The following PPP2R1A variants were observed in gnomAD, a reference collection of about 807,000 sequenced individuals.
The protein encoded by PPP2R1A is serine/threonine-protein phosphatase 2A 65 kDa regulatory subunit A alpha isoform.
PPP2R1A carries 15 observed loss-of-function variants against 67.1 expected under a neutral mutation model. The ratio of observed to expected loss-of-function variants is 0.22; its 90% CI spans 0.15 to 0.34. The LOEUF (loss-of-function observed/expected upper bound fraction) is 0.34, where lower values mean the gene tolerates loss of function less well. PPP2R1A is among the 10% of genes least tolerant of loss of function. PPP2R1A has a pLI of 1.00. For synonymous variants in PPP2R1A, 337 were observed against 325.0 expected, an observed-to-expected ratio of 1.04 and a Z score of -0.40; for missense variants, 369 against 775.0, an observed-to-expected ratio of 0.48 and a Z score of 6.22.
At position 52,191,485 on chromosome 19, in the gene PPP2R1A, C is replaced by G. The variant is rs539664343; in HGVS notation, c.78+1311C>G. ...AAGAGGTCCCATCCTCCCTTTAGGT[C>G]TGTTTTCCCATTTATAAAATTGGAC... On this transcript the variant is annotated intron_variant, in intron 1 of 14. Transcript: ENST00000322088. The G allele has an allele frequency of 1.1e-4, 16 of 152,292 alleles. No individual in the cohort carries two copies. The East Asian group carries it at 3.1e-3, about 29-fold the overall frequency. The allele number at this position is 152,292 out of a possible 1,614,324, so 9.4% of individuals were successfully genotyped here. A position where few individuals can be genotyped will look rare whatever the true frequency, so the allele number is the denominator to read the frequency against.
At chr19:52,225,872 G>C in intron 14 of PPP2R1A, 64 bp downstream of exon 14, 1 of 1,612,662 alleles carries the variant, frequency 6.2e-7, no homozygotes, top group Non-Finnish European at 8.5e-7. Flanking sequence ...CACTGGGCCT[G>C]TGGGCAGCAG....
Position 52,226,317 on chromosome 19 carries a change from G to A in PPP2R1A, c.*336G>A, listed in dbSNP as rs546552152. 1.5e-4 allele frequency: 61 copies of A among 412,214 alleles called. No individual in the cohort carries two copies. The highest frequency in any genetic ancestry group is 1.1e-3 in the African/African-American group (56 of 49,220). 25.5% of individuals were successfully genotyped at this position (412,214 alleles called of 1,614,324 possible). The stretch of plus-strand genomic sequence containing the variant: ...TCCCCCATTTACTTCTCCACCTCCC[G>A]TCCTCCCCATCATTGGTTTTTTTTT... On this transcript the variant is annotated 3_prime_UTR_variant, in exon 15 of 15. Coordinates refer to ENST00000322088, the MANE Select transcript of PPP2R1A (RefSeq NM_014225.6).
intron 1 of PPP2R1A, among the ~76,000 whole-genome samples, chr19:52,194,088 CAAAAAAAAAAA>C (rs915576804): frequency 1.7e-5 from 1 of 60,522 alleles, no homozygotes; most frequent in Non-Finnish European, 3.0e-5. Context: ...ACCCTGTCTC[CAAAAAAAAAAA>C]AAAAAAAAAA....
At chr19:52,198,665 C>A (rs1319367209) in intron 1 of PPP2R1A, among the ~76,000 whole-genome samples, 4 of 152,154 alleles carry the variant, frequency 2.6e-5, no homozygotes, top group African/African-American at 9.7e-5. Context: ...GAATCCTTTC[C>A]TCTTTGGTTT....
Position 52,211,365 on chromosome 19 carries a change from G to T in PPP2R1A, c.376G>T (p.Ala126Ser), listed in dbSNP as rs1308460251. The T allele has an allele frequency of 2.0e-5, 32 of 1,614,070 alleles. No individual in the cohort carries two copies. The highest frequency in any genetic ancestry group is 2.7e-5 in the Non-Finnish European group (32 of 1,180,010). Residue 126 changes from alanine (A) to serine (S), a missense_variant, in exon 4 of 15, where the codon GCG becomes TCG. Coordinates refer to ENST00000322088, the MANE Select transcript of PPP2R1A (RefSeq NM_014225.6). The surrounding 1 kb of genome is among the most constrained non-coding windows in gnomAD (Gnocchi z 5.3). ...CGAGCACTCGCCCTCTGACCTGGAG[G>T]CGCACTTTGTGCCGCTAGTGAAGCG... ...SHEHSPSDLE[A>S]HFVPLVKRLA...
intron 1 of PPP2R1A, among the ~76,000 whole-genome samples, chr19:52,197,872 A>G (rs774671192): frequency 1.3e-4 from 20 of 152,208 alleles, no homozygotes; most frequent in Non-Finnish European, 2.6e-4. Context: ...GTGAGGGTCA[A>G]ATGAATTAAA....
At position 52,212,770 on chromosome 19, in the gene PPP2R1A, G is replaced by A. The variant is rs2122335317; in HGVS notation, c.588G>A (p.Leu196=). The A allele has an allele frequency of 6.2e-7, 1 of 1,613,842 alleles. No homozygotes were observed. Among genetic ancestry groups the A allele is most frequent in the Non-Finnish European group, 8.5e-7 (1 of 1,179,936 alleles). ...ASKLGEFAKV[L]ELDNVKSEII... is the part of the protein sequence containing the mutation. ...AGCTGGGGGAGTTTGCCAAGGTGCT[G>A]GAGCTGGACAACGTCAAGAGTGAGA... is the stretch of plus-strand genomic sequence containing the variant. The change falls in exon 5 of 15, where the codon CTG becomes CTA. Residue 196 remains leucine, a synonymous_variant. Transcript: ENST00000322088. The surrounding 1 kb of genome is among the most constrained non-coding windows in gnomAD (Gnocchi z 4.1).
Position 52,190,258 on chromosome 19 carries a change from C to T in PPP2R1A, c.78+84C>T, listed in dbSNP as rs1438720663. 5 of 1,457,494 alleles carry T rather than the reference C, an allele frequency of 3.4e-6. No homozygotes were observed. The African/African-American group carries it at 4.3e-5, about 12-fold the overall frequency. 90.3% of individuals were successfully genotyped at this position (1,457,494 alleles called of 1,614,324 possible). On this transcript the variant is annotated intron_variant, in intron 1 of 14. Transcript: ENST00000322088. ...GCCCTCGCGGAGAAGACTCAGCGTT[C>T]GCTGGGAGTGGCGGAAGGGGGCGAC... is the stretch of plus-strand genomic sequence containing the variant.
In PPP2R1A at chr19:52,211,392, C is replaced by T. The variant is rs2089668440; in HGVS notation, c.403C>T (p.Leu135=). ...GCACTTTGTGCCGCTAGTGAAGCGG[C>T]TGGCGGGCGGCGACTGGTTCACCTC... The part of the protein sequence containing the change: ...EAHFVPLVKR[L]AGGDWFTSRT... The change falls in exon 4 of 15, where the codon CTG becomes TTG. Residue 135 remains leucine (L), a synonymous_variant. Coordinates refer to ENST00000322088, the MANE Select transcript of PPP2R1A (RefSeq NM_014225.6). This position sits in a 1 kb window ranked among gnomAD's most constrained non-coding sequence, Gnocchi z 5.3. 1 of 1,613,868 alleles carries T rather than the reference C, an allele frequency of 6.2e-7. No individual in the cohort carries two copies. The highest frequency in any genetic ancestry group is 8.5e-7 in the Non-Finnish European group (1 of 1,179,940).
At position 52,219,060 on chromosome 19, in the gene PPP2R1A, A is replaced by G. The variant is rs1383503916; in HGVS notation, c.1129-631A>G. 6.6e-6 allele frequency among the ~76,000 whole-genome samples: 1 copy of G among 152,242 alleles called. No individual in the cohort carries two copies. Among genetic ancestry groups the G allele is most frequent in the Non-Finnish European group, 1.5e-5 (1 of 68,040 alleles). On this transcript the variant is annotated intron_variant, in intron 9 of 14. Transcript: ENST00000322088. The surrounding 1 kb of genome is among the most constrained non-coding windows in gnomAD (Gnocchi z 4.0). ...AGGCTACCTTTTTACTGGTGCACCA[A>G]AAATAAGTCTTTTTAAATGGGTGAG...
intron 11 of PPP2R1A, 131 bp downstream of exon 11, chr19:52,220,380 A>G: frequency 1.1e-6 from 1 of 949,720 alleles, no homozygotes; most frequent in Non-Finnish European, 1.7e-6. Flanking sequence ...CGTATGGACC[A>G]GCTCGCATGC....
rs570608546 is a variant in PPP2R1A at position 52,197,465 on chromosome 19, A to G, written c.79-4479A>G. On this transcript the variant is annotated intron_variant, in intron 1 of 14. Coordinates refer to ENST00000322088, the MANE Select transcript of PPP2R1A (RefSeq NM_014225.6). ...CGAGGTGGGAGGATTGCTTGAGCTC[A>G]GGAGTTTGAGGGCAGCTTGGGCAAC... is the stretch of plus-strand genomic sequence containing the variant. Among the ~76,000 whole-genome samples, 30 of 152,242 alleles carry G rather than the reference A, an allele frequency of 2.0e-4. No individual in the cohort carries two copies. In the East Asian group the frequency reaches 4.8e-3, roughly 25 times the overall value.
At chr19:52,209,128 C>T (rs10520481) in intron 3 of PPP2R1A, among the ~76,000 whole-genome samples, 12,346 of 152,250 alleles carry the variant, frequency 0.081, 547 homozygotes, top group Middle Eastern at 0.12. Context: ...TTGAGAACTA[C>T]TTCCTGCAGT....
rs2089672413 is a variant in PPP2R1A at position 52,211,703 on chromosome 19, C to T, written c.503+211C>T. 1.7e-6 allele frequency: 1 copy of T among 587,136 alleles called. No homozygotes were observed. 36.4% of individuals were successfully genotyped at this position (587,136 alleles called of 1,614,324 possible). ...TTACCCACCTCTGCCCCCTTGCTCA[C>T]TTAGGAATTGAGATGATGACAGGTC... On this transcript the variant is annotated intron_variant, in intron 4 of 14. Coordinates refer to ENST00000322088, the MANE Select transcript of PPP2R1A (RefSeq NM_014225.6). This position sits in a 1 kb window ranked among gnomAD's most constrained non-coding sequence, Gnocchi z 5.3.
intron 2 of PPP2R1A, among the ~76,000 whole-genome samples, chr19:52,204,218 G>A (rs1343853015): frequency 6.6e-6 from 1 of 152,186 alleles, no homozygotes. Context: ...GGGAGAGTGA[G>A]ACTAGGACAT....
rs935229490 is a variant in PPP2R1A at position 52,227,446 on chromosome 19, G to A, written c.*1465G>A. The A allele has an allele frequency of 2.6e-5, 4 of 152,246 alleles. No individual in the cohort carries two copies. Among genetic ancestry groups the A allele is most frequent in the African/African-American group, 9.7e-5 (4 of 41,438 alleles). The allele number at this position is 152,246 out of a possible 1,614,324, so 9.4% of individuals were successfully genotyped here. On this transcript the variant is annotated 3_prime_UTR_variant, in exon 15 of 15. Coordinates refer to ENST00000322088, the MANE Select transcript of PPP2R1A (RefSeq NM_014225.6). ...ACTGGTCAAGTGCCTGTTCGTTTAG[G>A]GTTTCATCACTTGAAGGTGACCGGA... is the stretch of plus-strand genomic sequence containing the variant.
chr19:52,224,991 G>A (rs1278163128), intron 13 of PPP2R1A, among the ~76,000 whole-genome samples: 2 of 148,842 alleles, frequency 1.3e-5, no homozygotes, highest in Admixed American at 1.3e-4. Context: ...TTGAGCCCCC[G>A]TGCTCGGCCT....
intron 1 of PPP2R1A, among the ~76,000 whole-genome samples, chr19:52,191,570 C>T (rs2089454963): frequency 6.6e-6 from 1 of 152,184 alleles, no homozygotes; most frequent in African/African-American, 2.4e-5. Context: ...TGGTATATCA[C>T]TGTTTCTGGT....
chr19:52,222,071 C>T (rs754863235), intron 12 of PPP2R1A, 28 bp from the exon 13 acceptor site: 1 of 1,579,662 alleles, frequency 6.3e-7, no homozygotes, highest in Non-Finnish European at 8.6e-7. Context: ...GCTTTGCATA[C>T]TCACCCCTGC....
Sources: allele counts gnomAD v4.1 joint callset (sites outside exome capture counted in the v4.1 genomes callset), GRCh38; gene constraint gnomAD v4.1.1; non-coding constraint Gnocchi (gnomAD v3.1); transcripts MANE v1.5; gene names NCBI Gene and HGNC (gene_info 2026-07-23, HGNC 2026-07-21).